The following NIPAL4 variants were observed in gnomAD, a reference collection of about 807,000 sequenced individuals.
NIPAL4 encodes NIPA like domain containing 4, also known as magnesium transporter NIPA4.
Under a neutral mutation model 31.6 loss-of-function variants are expected in NIPAL4, and 21 were observed. That is an observed-to-expected ratio of 0.67 (90% CI 0.47 to 0.96). The LOEUF (loss-of-function observed/expected upper bound fraction) is 0.96. NIPAL4 is among the 40% of genes least tolerant of loss of function. The probability of loss-of-function intolerance (pLI) is 0.00; values close to 1 mark genes in which losing one functional copy is unlikely to be tolerated. For missense variants in NIPAL4, 438 were observed against 508.0 expected (o/e 0.86, Z 1.32); for synonymous variants, 175 against 211.1 (o/e 0.83, Z 1.48).
In NIPAL4 at chr5:157,467,066, T is replaced by A; in HGVS notation, c.295T>A (p.Tyr99Asn). ...CTCCACAGTGGATGGAGGCTTCGGC[T>A]ACCTGAAAGATGCAATGTGGTGGGC... ...ATRAVDGGFG[Y>N]LKDAMWWAGF... is the part of the protein sequence containing the mutation. Residue 99 changes from tyrosine to asparagine, a missense_variant, in exon 3 of 6, where the codon TAC (tyrosine) becomes AAC (asparagine). Tyr to Asn is a moderately radical substitution (Grantham distance 143). Coordinates refer to ENST00000311946, the MANE Select transcript of NIPAL4 (RefSeq NM_001099287.2). 6.2e-7 allele frequency: 1 copy of A among 1,612,850 alleles called. No homozygotes were observed. The highest frequency in any genetic ancestry group is 8.5e-7 in the Non-Finnish European group (1 of 1,179,028).
At chr5:157,470,563 T>G (rs1406485390) in intron 4 of NIPAL4, among the ~76,000 whole-genome samples, 2 of 152,198 alleles carry the variant, frequency 1.3e-5, no homozygotes, top group Non-Finnish European at 2.9e-5. Flanking sequence ...TATGAGATGC[T>G]AGTGTGATAG....
intron 2 of NIPAL4, 30 bp downstream of exon 2, chr5:157,463,363 C>A: frequency 6.4e-7 from 1 of 1,574,212 alleles, no homozygotes; most frequent in Non-Finnish European, 8.6e-7. Context: ...GAGGATAGGG[C>A]CCAGGGCAGC....
chr5:157,470,766 A>C (rs1401805638), intron 4 of NIPAL4, among the ~76,000 whole-genome samples: 2 of 152,202 alleles, frequency 1.3e-5, no homozygotes, highest in Non-Finnish European at 2.9e-5. Context: ...GATTAGAGCA[A>C]ACCTACAATG....
chr5:157,463,209 G>T lies in NIPAL4; in HGVS notation c.153G>T (p.Arg51Ser). 1 of 1,614,042 alleles carries T rather than the reference G, an allele frequency of 6.2e-7. No individual in the cohort carries two copies. ...ATFHSWQERIRQNYGFYIGLG... is the reference protein window; with the variant it reads ...ATFHSWQERISQNYGFYIGLG... ...TTCACAGCTGGCAGGAAAGAATCAGGCAGAACTATGGCTTCTACATCGGCC... is the reference window on the plus strand; with the variant it reads ...TTCACAGCTGGCAGGAAAGAATCAGTCAGAACTATGGCTTCTACATCGGCC... Residue 51 changes from arginine to serine, a missense_variant, in exon 2 of 6, where the codon AGG (arginine) becomes AGT (serine). Coordinates refer to ENST00000311946, the MANE Select transcript of NIPAL4 (RefSeq NM_001099287.2).
intron 2 of NIPAL4, 133 bp downstream of exon 2, chr5:157,463,466 G>T (rs1226253915): frequency 8.2e-6 from 9 of 1,100,062 alleles, no homozygotes; most frequent in Non-Finnish European, 1.1e-5. Flanking sequence ...AATCCCACCT[G>T]CCAACAGGGT....
intron 2 of NIPAL4, among the ~76,000 whole-genome samples, chr5:157,465,182 C>T (rs1754219179): frequency 2.0e-5 from 3 of 152,188 alleles, no homozygotes; most frequent in Admixed American, 2.0e-4. Context: ...TGCCATTCCA[C>T]CCTTCACTTC....
rs78012762 is a variant in NIPAL4 at position 157,466,111 on chromosome 5, A to G, written c.278-938A>G. ...GGAGGGAGGGAGAGAAGGAACTCCAACAGGAAATAATAGAAATCAGGGAGT... is the reference window on the plus strand; with the variant it reads ...GGAGGGAGGGAGAGAAGGAACTCCAGCAGGAAATAATAGAAATCAGGGAGT... On this transcript the variant is annotated intron_variant, in intron 2 of 5. Coordinates refer to ENST00000311946, the MANE Select transcript of NIPAL4 (RefSeq NM_001099287.2). Among the ~76,000 whole-genome samples the G allele has an allele frequency of 3.7e-3, 566 of 152,290 alleles. 20 individuals carry two copies. The East Asian group carries it at 0.083, about 22-fold the overall frequency.
chr5:157,470,970 C>T (rs1754414480), intron 4 of NIPAL4, among the ~76,000 whole-genome samples: 1 of 152,200 alleles, frequency 6.6e-6, no homozygotes, highest in African/African-American at 2.4e-5. Flanking sequence ...AAGAAATTCA[C>T]CTGCATTTCT....
chr5:157,472,185 G>T, intron 5 of NIPAL4, 147 bp from the exon 6 acceptor site: 1 of 742,558 alleles, frequency 1.3e-6, no homozygotes. Flanking sequence ...AAGTTATTAG[G>T]AAGTCATGAA....
intron 1 of NIPAL4, chr5:157,460,639 A>T (rs573624426): frequency 2.5e-4 from 119 of 472,114 alleles, no homozygotes; most frequent in African/African-American, 2.2e-3. Context: ...ACGACAGCAG[A>T]CACCCTGAGA....
chr5:157,472,841 C>T lies in NIPAL4; in HGVS notation c.1096C>T (p.Pro366Ser), dbSNP rs1251517113. 1 of 1,586,472 alleles carries T rather than the reference C, an allele frequency of 6.3e-7. No individual in the cohort carries two copies. Among genetic ancestry groups the T allele is most frequent in the Non-Finnish European group, 8.6e-7 (1 of 1,163,484 alleles). Residue 366 changes from proline to serine, a missense_variant, in exon 6 of 6, where the codon CCC becomes TCC. By Grantham distance (74) the Pro-to-Ser change is moderately conservative (BLOSUM62 -1). Transcript: ENST00000311946. Reference protein sequence around the residue: ...PHMHKNPPPSPAPEPTVIRLE... With the variant: ...PHMHKNPPPSSAPEPTVIRLE... Reference sequence around the variant, plus strand: ...CATGCACAAAAACCCACCCCCTTCTCCCGCCCCGGAACCCACTGTTATTAG... The same window carrying T: ...CATGCACAAAAACCCACCCCCTTCTTCCGCCCCGGAACCCACTGTTATTAG...
At chr5:157,469,268 A>G (rs1754362163) in intron 4 of NIPAL4, among the ~76,000 whole-genome samples, 1 of 152,176 alleles carries the variant, frequency 6.6e-6, no homozygotes, top group South Asian at 2.1e-4. Context: ...GATGCCAATA[A>G]TACCCACTGG....
intron 2 of NIPAL4, among the ~76,000 whole-genome samples, chr5:157,465,296 G>A (rs1001011675): frequency 4.6e-5 from 7 of 152,102 alleles, no homozygotes; most frequent in Admixed American, 2.6e-4. Context: ...AACTTCCCTG[G>A]AATCCATTTT....
At chr5:157,466,587 A>C (rs1255512069) in intron 2 of NIPAL4, among the ~76,000 whole-genome samples, 1 of 152,238 alleles carries the variant, frequency 6.6e-6, no homozygotes, top group Non-Finnish European at 1.5e-5. Context: ...GAGTGGACAC[A>C]TGCGAGATCT....
rs1754512260 is a variant in NIPAL4 at position 157,473,911 on chromosome 5, T to C, written c.*951T>C. The stretch of plus-strand genomic sequence containing the variant: ...TCAACCAACCTATGATCTGGGGAGG[T>C]GGGAAGAGGATGAGGAGCAAAGTTG... On this transcript the variant is annotated 3_prime_UTR_variant, in exon 6 of 6. Transcript: ENST00000311946. 1 of 151,760 alleles carries C rather than the reference T, an allele frequency of 6.6e-6. No individual in the cohort carries two copies. The allele number at this position is 151,760 out of a possible 1,614,324, so 9.4% of individuals were successfully genotyped here. A position where few individuals can be genotyped will look rare whatever the true frequency, so the allele number is the denominator to read the frequency against.
Position 157,463,183 on chromosome 5 carries a change from T to C in NIPAL4, c.127T>C (p.Phe43Leu). The C allele has an allele frequency of 6.2e-7, 1 of 1,614,026 alleles. No homozygotes were observed. Among genetic ancestry groups the C allele is most frequent in the African/African-American group, 1.3e-5 (1 of 75,068 alleles). ...CCCTGAGGTGCCCAGCAATGCCACCTTTCACAGCTGGCAGGAAAGAATCAG... is the reference window on the plus strand; with the variant it reads ...CCCTGAGGTGCCCAGCAATGCCACCCTTCACAGCTGGCAGGAAAGAATCAG... ...LSPEVPSNATFHSWQERIRQN... is the reference protein window; with the variant it reads ...LSPEVPSNATLHSWQERIRQN... The change falls in exon 2 of 6, where the codon TTT (phenylalanine) becomes CTT (leucine). Residue 43 changes from phenylalanine (F) to leucine (L), a missense_variant. Physicochemically the swap from Phe to Leu is conservative, Grantham distance 22. Transcript: ENST00000311946.
intron 1 of NIPAL4, among the ~76,000 whole-genome samples, chr5:157,461,177 C>G (rs1754094331): frequency 6.6e-6 from 1 of 152,176 alleles, no homozygotes; most frequent in Non-Finnish European, 1.5e-5. Context: ...TGTTAGGTGT[C>G]TGACTTTGGT....
In NIPAL4 at chr5:157,463,006, C is replaced by T. The variant is rs952336584; in HGVS notation, c.38-88C>T. The T allele has an allele frequency of 7.8e-6, 12 of 1,539,626 alleles. No individual in the cohort carries two copies. In the Admixed American group the frequency reaches 8.8e-5, roughly 11 times the overall value. ...GTATAGCCCTGCAGTAGCGGAAGCA[C>T]AGGGTTTGAAACAGTGGCCAATTCC... On this transcript the variant is annotated intron_variant, in intron 1 of 5. Coordinates refer to ENST00000311946, the MANE Select transcript of NIPAL4 (RefSeq NM_001099287.2).
intron 1 of NIPAL4, 157 bp downstream of exon 1, chr5:157,460,514 G>C (rs752097085): frequency 2.6e-6 from 2 of 769,798 alleles, no homozygotes; most frequent in African/African-American, 3.4e-5. Flanking sequence ...TGAAGATCTG[G>C]GTTCTGGCTG....
Sources: allele counts gnomAD v4.1 joint callset (sites outside exome capture counted in the v4.1 genomes callset), GRCh38; gene constraint gnomAD v4.1.1; transcripts MANE v1.5; gene names NCBI Gene and HGNC (gene_info 2026-07-23, HGNC 2026-07-21).